CALY: variants seen among roughly 807,000 people sequenced by gnomAD.
CALY encodes neuron-specific vesicular protein calcyon.
Under a neutral mutation model 20.2 loss-of-function variants are expected in CALY, and 15 were observed. The observed-to-expected ratio is 0.74, with a 90% CI of 0.50 to 1.14. The LOEUF (loss-of-function observed/expected upper bound fraction) is 1.14, where lower values mean the gene tolerates loss of function less well. Among genes scored for constraint, CALY ranks in the 50% most tolerant of loss-of-function variants. The pLI is 0.00. For synonymous variants in CALY, 129 were observed against 131.8 expected, an observed-to-expected ratio of 0.98 and a Z score of 0.15; for missense variants, 270 against 304.4, an observed-to-expected ratio of 0.89 and a Z score of 0.84.
Position 133,324,654 on chromosome 10 carries a change from T to G in CALY, c.*941A>C, listed in dbSNP as rs1292582507. 1 of 346,308 alleles carries G rather than the reference T, an allele frequency of 2.9e-6. No individual in the cohort carries two copies. Among genetic ancestry groups the G allele is most frequent in the Admixed American group, 4.0e-5 (1 of 25,272 alleles). 21.5% of individuals were successfully genotyped at this position (346,308 alleles called of 1,614,324 possible). On this transcript the variant is annotated 3_prime_UTR_variant, in exon 6 of 6. Transcript: ENST00000252939. ...GCTGGGGTGGGCGGGGCTGCAGAGC[T>G]GCTGCTGGCTGGGGTGGTGCAGGTG...
rs1011393978 is a variant in CALY at position 133,324,490 on chromosome 10, G to A, written c.*1105C>T. ...CTGGGGTGGGCGGGGCTGCAGAGCC[G>A]CTGCTGGCTGGGGTGGGCGGGGCTG... is the stretch of plus-strand genomic sequence containing the variant. On this transcript the variant is annotated 3_prime_UTR_variant, in exon 6 of 6. Transcript: ENST00000252939. 4.6e-6 allele frequency: 2 copies of A among 436,892 alleles called. No individual in the cohort carries two copies. Among genetic ancestry groups the A allele is most frequent in the Non-Finnish European group, 9.2e-6 (2 of 217,382 alleles). 27.1% of individuals were successfully genotyped at this position (436,892 alleles called of 1,614,324 possible). A position where few individuals can be genotyped will look rare whatever the true frequency, so the allele number is the denominator to read the frequency against.
intron 2 of CALY, among the ~76,000 whole-genome samples, chr10:133,328,602 G>A (rs187756888): frequency 1.1e-3 from 168 of 152,362 alleles, no homozygotes; most frequent in African/African-American, 3.8e-3. Context: ...CACGTGGGCG[G>A]GGTGCTGTCT....
At chr10:133,327,646 G>A (rs985755591) in intron 3 of CALY, 9 of 610,976 alleles carry the variant, frequency 1.5e-5, no homozygotes, top group South Asian at 5.7e-5. Context: ...AGCAGCACTC[G>A]CGGGCACTTC....
At chr10:133,330,947 A>G (rs1047753360) in intron 1 of CALY, among the ~76,000 whole-genome samples, 2 of 152,216 alleles carry the variant, frequency 1.3e-5, no homozygotes, top group African/African-American at 4.8e-5. Flanking sequence ...CAGCGAATAC[A>G]ACAAGGTAAC....
intron 1 of CALY, among the ~76,000 whole-genome samples, chr10:133,330,654 T>C (rs1589854033): frequency 3.0e-4 from 2 of 6,680 alleles, no homozygotes; most frequent in South Asian, 0.011. Context: ...AGAGACTCCG[T>C]CTCAAAAAAA....
chr10:133,326,506 T>TA (rs998740721), intron 4 of CALY, among the ~76,000 whole-genome samples: 123 of 145,944 alleles, frequency 8.4e-4, no homozygotes, highest in South Asian at 1.7e-3. Flanking sequence ...CAAAGAGATT[T>TA]AAAAAAAAAA....
At chr10:133,326,169 G>T (rs760170107) in intron 4 of CALY, 49 bp from the exon 5 acceptor site, 1 of 1,574,062 alleles carries the variant, frequency 6.4e-7, no homozygotes, top group South Asian at 1.2e-5. Flanking sequence ...CCTCCTGTGC[G>T]CCCCGGGCCC....
rs549430070 is a variant in CALY, at chr10:133,329,392, C to CTTCTTCTTCTTCTTTTTT, written c.-20-384_-20-383insAAAAAAGAAGAAGAAGAA. Among the ~76,000 whole-genome samples, 91 of 137,444 alleles carry CTTCTTCTTCTTCTTTTTT rather than the reference C, an allele frequency of 6.6e-4. 2 individuals are homozygous for CTTCTTCTTCTTCTTTTTT. Among genetic ancestry groups the CTTCTTCTTCTTCTTTTTT allele is most frequent in the Non-Finnish European group, 2.0e-4 (13 of 65,370 alleles). The allele number at this position is 137,444 out of a possible 152,430, so 90.2% of individuals were successfully genotyped here. A position where few individuals can be genotyped will look rare whatever the true frequency, so the allele number is the denominator to read the frequency against. Reference sequence around the variant, plus strand: ...TCTTATTCTCCTTCTTCTTCTTCTTCTTTTTTTTTTTTGAGACAGGATCTT... The same window carrying CTTCTTCTTCTTCTTTTTT: ...TCTTATTCTCCTTCTTCTTCTTCTTCTTCTTCTTCTTCTTTTTTTTTTTTTTTTTTGAGACAGGATCTT... On this transcript the variant is annotated intron_variant, in intron 1 of 5. Transcript: ENST00000252939.
At chr10:133,327,770 ACT>A (rs1338364193) in intron 3 of CALY, 133 bp downstream of exon 3, 5 of 725,750 alleles carry the variant, frequency 6.9e-6, no homozygotes, top group Non-Finnish European at 1.3e-5. Context: ...GGGCGGGATG[ACT>A]CACTGCCACC....
intron 2 of CALY, 122 bp from the exon 3 acceptor site, chr10:133,328,137 C>A (rs1848244956): frequency 1.5e-6 from 1 of 672,580 alleles, no homozygotes. Flanking sequence ...TGACCCATCT[C>A]CCAGGACTGT....
At chr10:133,330,203 C>G (rs1848279700) in intron 1 of CALY, among the ~76,000 whole-genome samples, 1 of 152,150 alleles carries the variant, frequency 6.6e-6, no homozygotes, top group Non-Finnish European at 1.5e-5. Flanking sequence ...GACACGGAAC[C>G]TGTGGCCCGG....
chr10:133,336,275 A>C (rs1848440957), intron 1 of CALY, among the ~76,000 whole-genome samples: 1 of 151,706 alleles, frequency 6.6e-6, no homozygotes, highest in Admixed American at 6.6e-5. Flanking sequence ...CCCGCACCCG[A>C]GCCTGCTGCA....
chr10:133,325,492 G>A lies in CALY; in HGVS notation c.*103C>T. On this transcript the variant is annotated 3_prime_UTR_variant, in exon 6 of 6. Transcript: ENST00000252939. ...AGAGACCCACGGGGGCGGGGCTGCA[G>A]CGAGGGCGCCTGGGGACACGAACAC... The A allele has an allele frequency of 4.8e-6, 1 of 206,342 alleles. No individual in the cohort carries two copies. Among genetic ancestry groups the A allele is most frequent in the Non-Finnish European group, 9.6e-6 (1 of 103,814 alleles). 12.8% of individuals were successfully genotyped at this position (206,342 alleles called of 1,614,324 possible). A position where few individuals can be genotyped will look rare whatever the true frequency, so the allele number is the denominator to read the frequency against.
chr10:133,328,056 A>T (rs1393805833), intron 2 of CALY, 41 bp from the exon 3 acceptor site: 1 of 1,322,708 alleles, frequency 7.6e-7, no homozygotes, highest in African/African-American at 1.5e-5. Flanking sequence ...GGCAGCTGGC[A>T]GGGACCCAAG....
At chr10:133,329,158 T>C in intron 1 of CALY, 149 bp from the exon 2 acceptor site, 1 of 659,764 alleles carries the variant, frequency 1.5e-6, no homozygotes, top group Non-Finnish European at 2.5e-6. Flanking sequence ...CCAGCCTCCT[T>C]GGACAAACCG....
rs745557402 is a variant in CALY, at chr10:133,327,981, G to A, written c.170C>T (p.Ser57Phe). The A allele has an allele frequency of 6.2e-7, 1 of 1,612,312 alleles. No homozygotes were observed. Among genetic ancestry groups the A allele is most frequent in the Non-Finnish European group, 8.5e-7 (1 of 1,179,144 alleles). Reference protein sequence around the residue: ...VIKTQTEYQLSSPDQQNFPDL... With the variant: ...VIKTQTEYQLFSPDQQNFPDL... ...AGGGAAATTCTGCTGGTCTGGGGAG[G>A]ACAGCTGGTATTCTGTCTGTGTCTT... is the stretch of plus-strand genomic sequence containing the variant. Residue 57 changes from serine to phenylalanine, a missense_variant, in exon 3 of 6, where the codon TCC becomes TTC. Coordinates refer to ENST00000252939, the MANE Select transcript of CALY (RefSeq NM_015722.4).
intron 1 of CALY, among the ~76,000 whole-genome samples, chr10:133,331,032 A>G (rs764672951): frequency 9.9e-5 from 15 of 152,260 alleles, no homozygotes; most frequent in Non-Finnish European, 1.8e-4. Flanking sequence ...ATTTTTCACC[A>G]TATTAACAGA....
chr10:133,335,133 G>A (rs1848415464), intron 1 of CALY, among the ~76,000 whole-genome samples: 1 of 152,158 alleles, frequency 6.6e-6, no homozygotes, highest in East Asian at 1.9e-4. Flanking sequence ...GTGGTTGTGG[G>A]GCGAGGGCAG....
At chr10:133,336,182 C>G (rs1848439213) in intron 1 of CALY, among the ~76,000 whole-genome samples, 2 of 152,194 alleles carry the variant, frequency 1.3e-5, no homozygotes, top group South Asian at 4.1e-4. Context: ...TATTAAAAGG[C>G]AGCTGCACTG....
Sources: allele counts gnomAD v4.1 joint callset (sites outside exome capture counted in the v4.1 genomes callset), GRCh38; gene constraint gnomAD v4.1.1; transcripts MANE v1.5; gene names NCBI Gene and HGNC (gene_info 2026-07-23, HGNC 2026-07-21).